The following PCCB variants were observed in gnomAD, a reference collection of about 807,000 sequenced individuals.
PCCB encodes the protein propionyl-CoA carboxylase subunit beta.
PCCB carries 43 observed loss-of-function variants against 60.7 expected under a neutral mutation model. The observed-to-expected ratio is 0.71, with a 90% CI of 0.55 to 0.91. The LOEUF (loss-of-function observed/expected upper bound fraction) is 0.91. PCCB is among the 40% of genes least tolerant of loss of function. The pLI is 0.00. For synonymous variants in PCCB, 276 were observed against 255.9 expected, an observed-to-expected ratio of 1.08 and a Z score of -0.75; for missense variants, 766 against 702.8, an observed-to-expected ratio of 1.09 and a Z score of -1.02.
Position 136,256,587 on chromosome 3 carries a change from C to T in PCCB, c.336C>T (p.Gly112=). ...GAGACAGCGTGGTCACTGGACGAGG[C>T]CGAATCAATGGAAGATTGGTTTATG... is the stretch of plus-strand genomic sequence containing the variant. The part of the protein sequence containing the change: ...FPGDSVVTGR[G]RINGRLVYVF... The change falls in exon 3 of 15, where the codon GGC becomes GGT. Residue 112 remains glycine, a synonymous_variant. Coordinates refer to ENST00000251654, the MANE Select transcript of PCCB (RefSeq NM_000532.5). 6.2e-7 allele frequency: 1 copy of T among 1,613,162 alleles called. No individual in the cohort carries two copies. The highest frequency in any genetic ancestry group is 1.1e-5 in the South Asian group (1 of 91,060).
chr3:136,327,460 G>T (rs1935365276), intron 12 of PCCB, among the ~76,000 whole-genome samples, 174 bp from the exon 13 acceptor site: 1 of 152,218 alleles, frequency 6.6e-6, no homozygotes, highest in South Asian at 2.1e-4. Flanking sequence ...GTGGGAAAAA[G>T]CCAGAAAAGA....
At chr3:136,314,438 C>T (rs973569847) in intron 9 of PCCB, among the ~76,000 whole-genome samples, 3 of 152,032 alleles carry the variant, frequency 2.0e-5, no homozygotes, top group Non-Finnish European at 4.4e-5. Flanking sequence ...GCGGATTGCT[C>T]GAGCTTCGGA....
chr3:136,289,873 T>C (rs922313745), intron 6 of PCCB, among the ~76,000 whole-genome samples: 1 of 152,028 alleles, frequency 6.6e-6, no homozygotes, highest in South Asian at 2.1e-4. Context: ...ATAACACTTT[T>C]CTGCTTCCCA....
intron 3 of PCCB, 146 bp downstream of exon 3, chr3:136,256,769 C>T (rs753465446): frequency 2.1e-5 from 15 of 709,030 alleles, no homozygotes; most frequent in Non-Finnish European, 3.7e-5. Flanking sequence ...GTGCGTGTTT[C>T]CAGAATATTG....
chr3:136,311,200 T>A (rs1934653657), intron 9 of PCCB, among the ~76,000 whole-genome samples: 1 of 152,110 alleles, frequency 6.6e-6, no homozygotes, highest in Admixed American at 6.6e-5. Context: ...ACTAAAACAA[T>A]ACTTGAGGAA....
At chr3:136,256,662 G>A (rs1941678596) in intron 3 of PCCB, 39 bp downstream of exon 3, 2 of 1,382,830 alleles carry the variant, frequency 1.4e-6, no homozygotes, top group Non-Finnish European at 2.1e-6. Flanking sequence ...TTTCTTGGAG[G>A]GCAGAGCCAA....
rs539238881 is a variant in PCCB, at chr3:136,273,025, A to G, written c.544-10812A>G. ...AGGTTTTTATAACTGTGTCACTACT[A>G]TCATTCATTTCAAATTTTTAAATTT... is the stretch of plus-strand genomic sequence containing the variant. On this transcript the variant is annotated intron_variant, in intron 5 of 14. Transcript: ENST00000251654. Among the ~76,000 whole-genome samples the G allele has an allele frequency of 3.7e-4, 57 of 152,302 alleles. No homozygotes were observed. The South Asian group carries it at 1.0e-2, about 27-fold the overall frequency.
intron 5 of PCCB, among the ~76,000 whole-genome samples, chr3:136,269,993 GTTTT>G (rs1295104465): frequency 7.9e-6 from 1 of 127,374 alleles, no homozygotes; most frequent in Non-Finnish European, 1.7e-5. Flanking sequence ...ACTGGTGTGT[GTTTT>G]TTTTTTTTTT....
intron 8 of PCCB, among the ~76,000 whole-genome samples, chr3:136,299,856 ATATG>A (rs1015623219): frequency 4.0e-5 from 6 of 151,542 alleles, no homozygotes; most frequent in East Asian, 2.0e-4. Context: ...ATATGCATGC[ATATG>A]TATGTATATG....
In PCCB at chr3:136,302,951, G is replaced by C. The variant is rs1406802248; in HGVS notation, c.966+1840G>C. 1.3e-4 allele frequency among the ~76,000 whole-genome samples: 16 copies of C among 121,820 alleles called. 3 individuals carry two copies. Among genetic ancestry groups the C allele is most frequent in the South Asian group, 9.7e-4 (3 of 3,106 alleles). 79.9% of individuals were successfully genotyped at this position (121,820 alleles called of 152,430 possible). On this transcript the variant is annotated intron_variant, in intron 9 of 14. Transcript: ENST00000251654. ...GTAAAAAAATTTGCTGGGTGAGGTG[G>C]CTGTCGCCTGTAGTCCCATTTACTT...
chr3:136,326,826 G>T lies in PCCB; in HGVS notation c.1114G>T (p.Val372Leu). Residue 372 changes from valine to leucine, a missense_variant, in exon 11 of 15, where the codon GTG becomes TTG. Transcript: ENST00000251654. ...AGGATGCTTGGATATTAATTCATCT[G>T]TGAAAGGGGCTCGTTTTGTCAGATT... ...ASGCLDINSS[V>L]KGARFVRFCD... The T allele has an allele frequency of 6.2e-7, 1 of 1,610,082 alleles. No homozygotes were observed. Among genetic ancestry groups the T allele is most frequent in the South Asian group, 1.1e-5 (1 of 90,968 alleles).
chr3:136,281,001 A>G (rs868341250), intron 5 of PCCB, among the ~76,000 whole-genome samples: 2 of 152,150 alleles, frequency 1.3e-5, no homozygotes, highest in Middle Eastern at 3.2e-3. Flanking sequence ...TCCATGGTTA[A>G]TCTTGCTGAG....
chr3:136,283,626 T>A (rs1942535672), intron 5 of PCCB, among the ~76,000 whole-genome samples: 1 of 152,098 alleles, frequency 6.6e-6, no homozygotes, highest in Non-Finnish European at 1.5e-5. Context: ...AATACTTGCC[T>A]CAGAAAGTAA....
chr3:136,286,494 C>T (rs1232843563), intron 6 of PCCB, among the ~76,000 whole-genome samples: 1 of 152,198 alleles, frequency 6.6e-6, no homozygotes, highest in Non-Finnish European at 1.5e-5. Context: ...GCAGCCTTCG[C>T]CATTTTAAAT....
In PCCB at chr3:136,250,516, G is replaced by C. The variant is rs1378807952; in HGVS notation, c.141G>C (p.Leu47=). The C allele has an allele frequency of 6.2e-7, 1 of 1,612,906 alleles. No individual in the cohort carries two copies. Among genetic ancestry groups the C allele is most frequent in the Non-Finnish European group, 8.5e-7 (1 of 1,179,776 alleles). The stretch of plus-strand genomic sequence containing the variant: ...TCGAAAACAAGCGCCGGACCGCGCT[G>C]CTGGGAGGGGGCCAACGCCGTATTG... The part of the protein sequence containing the change: ...ERIENKRRTA[L]LGGGQRRIDA... Residue 47 remains leucine (L), a synonymous_variant, in exon 1 of 15, where the codon CTG becomes CTC. Transcript: ENST00000251654.
At chr3:136,256,772 GAA>G in intron 3 of PCCB, 149 bp downstream of exon 3, 1 of 705,874 alleles carries the variant, frequency 1.4e-6, no homozygotes. Flanking sequence ...CGTGTTTCCA[GAA>G]TATTGTGTGT....
intron 5 of PCCB, among the ~76,000 whole-genome samples, chr3:136,269,885 C>CAAAA (rs1159032335): frequency 4.9e-5 from 3 of 60,638 alleles, no homozygotes; most frequent in Admixed American, 1.7e-4. Context: ...GACTCTGTCT[C>CAAAA]AAAAAAAAAA....
chr3:136,262,534 G>A (rs1227943288), intron 5 of PCCB, among the ~76,000 whole-genome samples: 1 of 152,110 alleles, frequency 6.6e-6, no homozygotes, highest in Admixed American at 6.6e-5. Flanking sequence ...AACATTTGGC[G>A]AACCTCATTA....
chr3:136,281,216 C>T (rs972347541), intron 5 of PCCB, among the ~76,000 whole-genome samples: 4 of 151,668 alleles, frequency 2.6e-5, no homozygotes, highest in African/African-American at 9.7e-5. Context: ...AAATCTTTGA[C>T]CCTTTCTTTC....
Sources: gnomAD v4.1 joint callset for allele counts (sites outside exome capture counted in the v4.1 genomes callset) on GRCh38, gnomAD v4.1.1 for gene constraint, MANE v1.5 for transcripts, NCBI Gene and HGNC (gene_info 2026-07-23, HGNC 2026-07-21) for gene names.